RBFOX1: variants seen among roughly 807,000 people sequenced by gnomAD.
The protein encoded by RBFOX1 is RNA binding protein fox-1 homolog 1.
In RBFOX1, 8 loss-of-function variants were observed where a neutral mutation model predicts 57.7. The observed-to-expected ratio is 0.14, with a 90% CI of 0.08 to 0.25. The LOEUF (loss-of-function observed/expected upper bound fraction) is 0.25, where lower values mean the gene tolerates loss of function less well. Ranked by LOEUF, RBFOX1 falls within the 10% of genes least tolerant of loss-of-function variation. The probability of loss-of-function intolerance (pLI) is 1.00; values close to 1 mark genes in which losing one functional copy is unlikely to be tolerated. For synonymous variants in RBFOX1, 326 were observed against 222.4 expected, an observed-to-expected ratio of 1.47 and a Z score of -4.15; for missense variants, 611 against 548.5, an observed-to-expected ratio of 1.11 and a Z score of -1.14.
At chr16:6,010,809 C>G (rs1018803624) in intron 4 of RBFOX1, among the ~76,000 whole-genome samples, 4 of 152,180 alleles carry the variant, frequency 2.6e-5, no homozygotes, top group Non-Finnish European at 4.4e-5. Context: ...CTCATATTAT[C>G]TACTTTATAG....
chr16:5,680,321 A>C (rs1309277526), intron 3 of RBFOX1, among the ~76,000 whole-genome samples: 1 of 152,154 alleles, frequency 6.6e-6, no homozygotes, highest in African/African-American at 2.4e-5. Flanking sequence ...ACCTGAAAAA[A>C]ATCTTCACTT....
intron 1 of RBFOX1, among the ~76,000 whole-genome samples, chr16:6,230,330 A>T (rs1381521780): frequency 6.6e-6 from 1 of 152,160 alleles, no homozygotes; most frequent in Non-Finnish European, 1.5e-5. Context: ...CAATGTTGTT[A>T]TAATTATAAG....
At chr16:7,452,204 G>T (rs369265604) in intron 4 of RBFOX1, among the ~76,000 whole-genome samples, 1 of 152,156 alleles carries the variant, frequency 6.6e-6, no homozygotes. Context: ...ATAACAATAT[G>T]GATGAAATGT....
At chr16:6,784,885 G>A (rs576576139) in intron 3 of RBFOX1, among the ~76,000 whole-genome samples, 6 of 152,080 alleles carry the variant, frequency 3.9e-5, no homozygotes, top group African/African-American at 1.2e-4. Flanking sequence ...AGTGAAGGTC[G>A]GCTGGAGTTA....
chr16:6,198,721 G>A (rs955885732), intron 1 of RBFOX1, among the ~76,000 whole-genome samples: 1 of 152,064 alleles, frequency 6.6e-6, no homozygotes, highest in Non-Finnish European at 1.5e-5. Context: ...ATTATTTTTG[G>A]AACTAAAGTG....
intron 1 of RBFOX1, among the ~76,000 whole-genome samples, chr16:6,281,601 T>A (rs1044560360): frequency 6.6e-6 from 1 of 152,012 alleles, no homozygotes; most frequent in Non-Finnish European, 1.5e-5. Context: ...TTTGCATTAT[T>A]TTGTGGGAGA....
At chr16:7,447,546 T>A (rs1000356711) in intron 4 of RBFOX1, among the ~76,000 whole-genome samples, 6 of 151,864 alleles carry the variant, frequency 4.0e-5, no homozygotes, top group Non-Finnish European at 8.8e-5. Context: ...CTCTGAAGCC[T>A]AAGCCCAGTC....
At chr16:6,001,723 T>A (rs900889275) in intron 4 of RBFOX1, among the ~76,000 whole-genome samples, 2 of 152,140 alleles carry the variant, frequency 1.3e-5, no homozygotes, top group African/African-American at 4.8e-5. Context: ...AGGAAATAGT[T>A]TCAAGAAAAA....
chr16:6,380,168 T>C (rs2091644845), intron 2 of RBFOX1, among the ~76,000 whole-genome samples: 1 of 152,098 alleles, frequency 6.6e-6, no homozygotes, highest in Non-Finnish European at 1.5e-5. Flanking sequence ...TTGCTTTAAA[T>C]AGCCACATGG....
chr16:5,352,080 A>T (rs7205330), intron 1 of RBFOX1, among the ~76,000 whole-genome samples: 133,530 of 152,084 alleles, frequency 0.88, 61,290 homozygotes, highest in East Asian at 1. Flanking sequence ...TGCTGGGATT[A>T]CAGGGGTGAG....
chr16:7,515,698 C>G (rs2076205317), intron 4 of RBFOX1, among the ~76,000 whole-genome samples: 1 of 152,172 alleles, frequency 6.6e-6, no homozygotes, highest in Admixed American at 6.5e-5. Flanking sequence ...ATGGTGCTGA[C>G]TGCGGGTAAA....
In RBFOX1 at chr16:6,805,122, CA is replaced by C. The variant is rs574322380; in HGVS notation, c.-16+150475del. Among the ~76,000 whole-genome samples the C allele has an allele frequency of 1.2e-4, 19 of 152,184 alleles. 1 individual carries two copies. The highest frequency in any genetic ancestry group is 4.6e-4 in the African/African-American group (19 of 41,516). On this transcript the variant is annotated intron_variant, in intron 3 of 15. Coordinates refer to ENST00000550418, the MANE Select transcript of RBFOX1 (RefSeq NM_018723.4). ...TTCACTGCAGCATTACTCACAATAGCAAAGATATGGAATCAACCTAAAGGCC... is the reference window on the plus strand; with the variant it reads ...TTCACTGCAGCATTACTCACAATAGCAAGATATGGAATCAACCTAAAGGCC...
Position 5,909,725 on chromosome 16 carries a change from C to T in RBFOX1, c.351+42390C>T, listed in dbSNP as rs562277260. Among the ~76,000 whole-genome samples, 9 of 152,254 alleles carry T rather than the reference C, an allele frequency of 5.9e-5. No individual in the cohort carries two copies. In the South Asian group the frequency reaches 1.7e-3, roughly 28 times the overall value. Reference sequence around the variant, plus strand: ...CTGATTCACCAAACTGGGGAACAAGCCCAGCCCTGGTAAGATGTCAGAGCA... The same window carrying T: ...CTGATTCACCAAACTGGGGAACAAGTCCAGCCCTGGTAAGATGTCAGAGCA... On this transcript the variant is annotated intron_variant, in intron 4 of 19. Coordinates refer to the RBFOX1 transcript ENST00000641259.
intron 2 of RBFOX1, among the ~76,000 whole-genome samples, chr16:5,582,176 G>T (rs1361110874): frequency 6.6e-6 from 1 of 152,206 alleles, no homozygotes; most frequent in African/African-American, 2.4e-5. Flanking sequence ...GGGAGTACCA[G>T]ACCTCACTCC....
chr16:7,437,659 G>A (rs1231357502), intron 4 of RBFOX1, among the ~76,000 whole-genome samples: 3 of 152,240 alleles, frequency 2.0e-5, no homozygotes, highest in South Asian at 2.1e-4. Context: ...AGTTGGAAAC[G>A]ATTAAGGCCG....
At chr16:7,233,205 A>G (rs1160265521) in intron 4 of RBFOX1, among the ~76,000 whole-genome samples, 3 of 141,216 alleles carry the variant, frequency 2.1e-5, no homozygotes, top group African/African-American at 7.9e-5. Context: ...CAACCTTGCT[A>G]AACTCATCCT....
chr16:7,045,208 G>A (rs1276809816), intron 3 of RBFOX1, among the ~76,000 whole-genome samples: 1 of 152,194 alleles, frequency 6.6e-6, no homozygotes. Flanking sequence ...GGGGTTGGCA[G>A]TAGGTGGAGT....
intron 4 of RBFOX1, among the ~76,000 whole-genome samples, chr16:7,106,865 T>C (rs753448838): frequency 1.4e-4 from 21 of 152,056 alleles, no homozygotes; most frequent in Non-Finnish European, 1.3e-4. Flanking sequence ...AATTAATTCA[T>C]GAAACAAGTA....
chr16:6,677,243 A>T (rs1360590922), intron 3 of RBFOX1, among the ~76,000 whole-genome samples: 1 of 152,160 alleles, frequency 6.6e-6, no homozygotes, highest in South Asian at 2.1e-4. Flanking sequence ...TGCTCTAGAG[A>T]CCATAGATAA....
Sources: allele counts gnomAD v4.1 joint callset (sites outside exome capture counted in the v4.1 genomes callset), GRCh38; gene constraint gnomAD v4.1.1; transcripts MANE v1.5; gene names NCBI Gene and HGNC (gene_info 2026-07-23, HGNC 2026-07-21).